Variants in ADRA1B observed in about 807,000 individuals in gnomAD.
ADRA1B encodes adrenoceptor alpha 1B.
In ADRA1B, 17 loss-of-function variants were observed where a neutral mutation model predicts 17.9. The observed-to-expected ratio is 0.95, with a 90% CI of 0.65 to 1.42. The LOEUF is 1.42. ADRA1B is among the 40% of genes most tolerant of loss of function. The pLI is 0.00. For synonymous variants in ADRA1B, 366 were observed against 327.6 expected, an observed-to-expected ratio of 1.12 and a Z score of -1.27; for missense variants, 681 against 722.1, an observed-to-expected ratio of 0.94 and a Z score of 0.65.
intron 1 of ADRA1B, among the ~76,000 whole-genome samples, chr5:159,903,967 T>A (rs769927546): frequency 6.6e-6 from 1 of 152,152 alleles, no homozygotes; most frequent in East Asian, 1.9e-4. Flanking sequence ...CCTGTATGTG[T>A]GTGTGCACGT....
intron 1 of ADRA1B, among the ~76,000 whole-genome samples, chr5:159,945,800 T>G (rs1477013653): frequency 2.7e-5 from 4 of 150,808 alleles, no homozygotes; most frequent in Non-Finnish European, 4.4e-5. Flanking sequence ...CAGGCTGGAG[T>G]GCAGTGGCGC....
intron 1 of ADRA1B, among the ~76,000 whole-genome samples, chr5:159,918,281 C>A (rs563173332): frequency 1.3e-5 from 2 of 152,216 alleles, no homozygotes; most frequent in Non-Finnish European, 2.9e-5. Context: ...AGCAGGGAGG[C>A]AGCTCGTACA....
At chr5:159,939,952 A>T (rs1288085377) in intron 1 of ADRA1B, among the ~76,000 whole-genome samples, 1 of 152,134 alleles carries the variant, frequency 6.6e-6, no homozygotes, top group Non-Finnish European at 1.5e-5. Context: ...TCCTCACTCC[A>T]TGCCCATCAG....
chr5:159,980,213 G>A, the ADRA1B span, among the ~76,000 whole-genome samples: 10 of 152,202 alleles, frequency 6.6e-5, no homozygotes, highest in East Asian at 1.9e-4. Flanking sequence ...TGGCTGGATC[G>A]GTGGTCACAG....
At chr5:159,951,431 A>G (rs1159172134) in intron 1 of ADRA1B, 15 of 764,950 alleles carry the variant, frequency 2.0e-5, no homozygotes, top group Non-Finnish European at 3.5e-5. Flanking sequence ...ACTAGAGTTA[A>G]AAGCTGCCCT....
At chr5:159,880,985 G>T (rs1336784036) in intron 1 of ADRA1B, among the ~76,000 whole-genome samples, 4 of 152,008 alleles carry the variant, frequency 2.6e-5, no homozygotes, top group Non-Finnish European at 5.9e-5. Flanking sequence ...TAAATCTTTG[G>T]TCTTAATTAA....
chr5:159,866,295 GAAAAAAAA>G (rs34220518), intron 1 of ADRA1B, among the ~76,000 whole-genome samples: 8 of 90,252 alleles, frequency 8.9e-5, no homozygotes, highest in African/African-American at 3.1e-4. Flanking sequence ...AACATAGTGA[GAAAAAAAA>G]AAAAAAAAAA....
rs189813393 is a variant in ADRA1B at position 159,948,521 on chromosome 5, T to C, written c.950-23358T>C. On this transcript the variant is annotated intron_variant, in intron 1 of 1. Coordinates refer to ENST00000306675, the MANE Select transcript of ADRA1B (RefSeq NM_000679.4). Reference sequence around the variant, plus strand: ...ACAAGAAGTTATATGCGTGTTTTCATTGTAGAAAATTTAAAAGAATCAGAA... The same window carrying C: ...ACAAGAAGTTATATGCGTGTTTTCACTGTAGAAAATTTAAAAGAATCAGAA... The C allele has an allele frequency of 4.9e-4, 467 of 955,688 alleles. 3 individuals carry two copies. In the African/African-American group the frequency reaches 7.6e-3, roughly 16 times the overall value. 59.2% of individuals were successfully genotyped at this position (955,688 alleles called of 1,614,324 possible).
At chr5:159,978,710 A>C in the ADRA1B span, among the ~76,000 whole-genome samples, 8,471 of 152,254 alleles carry the variant, frequency 0.056, 810 homozygotes, top group African/African-American at 0.19. Flanking sequence ...GCCCTTGCTC[A>C]TGGCCTTATT....
chr5:159,892,339 T>C lies in ADRA1B; in HGVS notation c.-255-23780T>C, dbSNP rs954932351. Among the ~76,000 whole-genome samples the C allele has an allele frequency of 2.0e-5, 3 of 152,238 alleles. No homozygotes were observed. In the South Asian group the frequency reaches 6.2e-4, roughly 32 times the overall value. On this transcript the variant is annotated intron_variant, in intron 1 of 2. Transcript: ENST00000641205. ...AGCTTTATGAGCATTACATATTTTT[T>C]TAAGGTTCCGGGGTACATGTGCAAG... is the stretch of plus-strand genomic sequence containing the variant.
Position 159,972,210 on chromosome 5 carries a change from C to T in ADRA1B, c.1281C>T (p.Ser427=), listed in dbSNP as rs894688755. 3 of 1,360,896 alleles carry T rather than the reference C, an allele frequency of 2.2e-6. No individual in the cohort carries two copies. In the African/African-American group the frequency reaches 4.6e-5, roughly 21 times the overall value. 84.3% of individuals were successfully genotyped at this position (1,360,896 alleles called of 1,614,324 possible). ...SQRTLPSASP[S]PGYLGRGAPP... is the part of the protein sequence containing the mutation. ...GGACCCTGCCCTCGGCCTCGCCGAG[C>T]CCGGGCTACCTGGGCCGCGGCGCGC... Residue 427 remains serine (S), a synonymous_variant, in exon 2 of 2, where the codon AGC becomes AGT. Coordinates refer to ENST00000306675, the MANE Select transcript of ADRA1B (RefSeq NM_000679.4).
chr5:159,870,107 G>A (rs1386099486), intron 1 of ADRA1B: 1 of 152,082 alleles, frequency 6.6e-6, no homozygotes, highest in African/African-American at 2.4e-5. Flanking sequence ...ATGCTATGAA[G>A]GGAAAAAAGA....
At position 159,869,092 on chromosome 5, in the gene ADRA1B, A is replaced by G. The variant is rs1753703053; in HGVS notation, c.-256+3886A>G. On this transcript the variant is annotated intron_variant, in intron 1 of 2. Transcript: ENST00000641205. ...AAACCAACTGAAATCGGGCACACAT[A>G]CATATTTTGTAATTTTCAACTACAA... The G allele has an allele frequency of 2.0e-5, 3 of 152,200 alleles. No individual in the cohort carries two copies. The South Asian group carries it at 6.2e-4, about 31-fold the overall frequency. 9.4% of individuals were successfully genotyped at this position (152,200 alleles called of 1,614,324 possible).
chr5:159,936,203 C>T (rs1249352100), intron 1 of ADRA1B, among the ~76,000 whole-genome samples: 2 of 152,120 alleles, frequency 1.3e-5, no homozygotes, highest in Non-Finnish European at 2.9e-5. Context: ...TGCTGCCAAA[C>T]ATCCTACAAT....
chr5:159,975,581 G>A (rs566269516), downstream of ADRA1B, among the ~76,000 whole-genome samples: 5 of 152,328 alleles, frequency 3.3e-5, no homozygotes, highest in African/African-American at 1.2e-4. Context: ...CAGTTCTGAT[G>A]ATCTCATTCA....
chr5:159,905,887 T>A (rs1754157179), intron 1 of ADRA1B, among the ~76,000 whole-genome samples: 1 of 151,914 alleles, frequency 6.6e-6, no homozygotes. Flanking sequence ...GTCAGAGTCT[T>A]GCTCTGTCAC....
chr5:159,985,723 G>GA, the ADRA1B span, among the ~76,000 whole-genome samples: 1 of 152,202 alleles, frequency 6.6e-6, no homozygotes, highest in Non-Finnish European at 1.5e-5. Flanking sequence ...AATAATCTTG[G>GA]AAGAAACTCT....
At chr5:159,980,561 G>T in the ADRA1B span, among the ~76,000 whole-genome samples, 2 of 152,156 alleles carry the variant, frequency 1.3e-5, no homozygotes, top group African/African-American at 4.8e-5. Flanking sequence ...CTGAAATCCT[G>T]GTTCTGCTAC....
rs892097796 is a variant in ADRA1B, at chr5:159,955,183, C to A, written c.950-16696C>A. The A allele has an allele frequency of 7.1e-6, 7 of 985,250 alleles. No individual in the cohort carries two copies. The African/African-American group carries it at 1.0e-4, about 15-fold the overall frequency. 61.0% of individuals were successfully genotyped at this position (985,250 alleles called of 1,614,324 possible). A position where few individuals can be genotyped will look rare whatever the true frequency, so the allele number is the denominator to read the frequency against. ...AGACACCCTGGAGATGGTGTACCAG[C>A]GTCATTCACTCTGTATTGGAGAAGT... On this transcript the variant is annotated intron_variant, in intron 1 of 1. Transcript: ENST00000306675.
Sources: allele counts gnomAD v4.1 joint callset (sites outside exome capture counted in the v4.1 genomes callset), GRCh38; gene constraint gnomAD v4.1.1; transcripts MANE v1.5; gene names NCBI Gene and HGNC (gene_info 2026-07-23, HGNC 2026-07-21).